SLC26A7: variants seen among roughly 807,000 people sequenced by gnomAD.
SLC26A7 encodes the protein solute carrier family 26 member 7.
SLC26A7 carries 59 observed loss-of-function variants against 82.5 expected under a neutral mutation model. The ratio of observed to expected loss-of-function variants is 0.72; its 90% CI spans 0.58 to 0.89. The LOEUF is 0.89. Among genes scored for constraint, SLC26A7 ranks in the 40% least tolerant of loss-of-function variants. The pLI is 0.00. For missense variants in SLC26A7, 820 were observed against 793.0 expected, an observed-to-expected ratio of 1.03 and a Z score of -0.41; for synonymous variants, 271 against 274.3, an observed-to-expected ratio of 0.99 and a Z score of 0.12.
At chr8:91,217,629 G>A (rs111492780) in intron 1 of SLC26A7, among the ~76,000 whole-genome samples, 2,014 of 152,204 alleles carry the variant, frequency 0.013, 32 homozygotes, top group African/African-American at 0.046. Flanking sequence ...GCCAGGGAGT[G>A]AGAAAAGTTG....
chr8:91,355,342 T>C (rs1384030946), intron 11 of SLC26A7, among the ~76,000 whole-genome samples: 1 of 152,110 alleles, frequency 6.6e-6, no homozygotes, highest in Non-Finnish European at 1.5e-5. Context: ...AATTTTTTCT[T>C]CTAATATATC....
chr8:91,302,948 G>C (rs1812209143), intron 4 of SLC26A7, among the ~76,000 whole-genome samples: 1 of 151,670 alleles, frequency 6.6e-6, no homozygotes, highest in Non-Finnish European at 1.5e-5. Context: ...ATTTCTGACA[G>C]TTGATAATGC....
chr8:91,252,761 C>A (rs889765891), intron 2 of SLC26A7, among the ~76,000 whole-genome samples: 1 of 152,096 alleles, frequency 6.6e-6, no homozygotes, highest in African/African-American at 2.4e-5. Context: ...TTCCAGCTTT[C>A]TTTGAGGTTA....
At chr8:91,300,021 G>A (rs1039447089) in intron 4 of SLC26A7, among the ~76,000 whole-genome samples, 1 of 152,156 alleles carries the variant, frequency 6.6e-6, no homozygotes, top group Non-Finnish European at 1.5e-5. Context: ...ACTTCAGGGG[G>A]AGAAACTTCC....
rs1277585897 is a variant in SLC26A7, at chr8:91,352,820, AAAAT to A, written c.1219-77_1219-74del. On this transcript the variant is annotated intron_variant, in intron 10 of 18. Transcript: ENST00000276609. ...CTCTATTAAGTACTTTAAAAACAAA[AAAAT>A]AAAAATACCTTAGCCCTTTTAAATT... 4.3e-6 allele frequency: 5 copies of A among 1,153,462 alleles called. No homozygotes were observed. The African/African-American group carries it at 7.9e-5, about 18-fold the overall frequency. 71.5% of individuals were successfully genotyped at this position (1,153,462 alleles called of 1,614,324 possible). A position where few individuals can be genotyped will look rare whatever the true frequency, so the allele number is the denominator to read the frequency against.
chr8:91,249,706 C>T lies in SLC26A7; in HGVS notation c.55C>T (p.Pro19Ser). ...CATGCTTTGGAGCAAGATGCATACC[C>T]CCCAGTGTGAAGACATTATACAGTG... ...KSMLWSKMHT[P>S]QCEDIIQWCR... The change falls in exon 2 of 19, where the codon CCC becomes TCC. Residue 19 changes from proline to serine, a missense_variant. By Grantham distance (74) the Pro-to-Ser change is moderately conservative (BLOSUM62 -1). Transcript: ENST00000276609. 1 of 1,595,866 alleles carries T rather than the reference C, an allele frequency of 6.3e-7. No homozygotes were observed. Among genetic ancestry groups the T allele is most frequent in the African/African-American group, 1.4e-5 (1 of 73,846 alleles).
At chr8:91,284,287 C>G (rs1811652925) in intron 2 of SLC26A7, among the ~76,000 whole-genome samples, 1 of 152,142 alleles carries the variant, frequency 6.6e-6, no homozygotes, top group Non-Finnish European at 1.5e-5. Flanking sequence ...AATACCCTAA[C>G]AGCAACTCTG....
At chr8:91,358,162 G>C in intron 11 of SLC26A7, among the ~76,000 whole-genome samples, 1 of 152,028 alleles carries the variant, frequency 6.6e-6, no homozygotes, top group Non-Finnish European at 1.5e-5. Flanking sequence ...ACTGTTGGTG[G>C]GACTGTAAAC....
intron 5 of SLC26A7, among the ~76,000 whole-genome samples, chr8:91,326,099 A>G (rs1812924490): frequency 6.6e-6 from 1 of 152,108 alleles, no homozygotes; most frequent in Non-Finnish European, 1.5e-5. Flanking sequence ...TCTTAATGGT[A>G]CTGATCACTT....
Position 91,395,301 on chromosome 8 carries a change from G to T in SLC26A7, c.*204G>T. The stretch of plus-strand genomic sequence containing the variant: ...TTTTGTTAGTAAGAAGATTCGCTTA[G>T]TTATTTTATGTAAAAATCAGTATGT... On this transcript the variant is annotated 3_prime_UTR_variant, in exon 19 of 19. Coordinates refer to ENST00000276609, the MANE Select transcript of SLC26A7 (RefSeq NM_052832.4). 1 of 1,289,344 alleles carries T rather than the reference G, an allele frequency of 7.8e-7. No individual in the cohort carries two copies. Among genetic ancestry groups the T allele is most frequent in the Non-Finnish European group, 1.0e-6 (1 of 999,370 alleles). The allele number at this position is 1,289,344 out of a possible 1,614,324, so 79.9% of individuals were successfully genotyped here.
chr8:91,237,983 A>T (rs1041026867), intron 2 of SLC26A7, among the ~76,000 whole-genome samples: 1 of 152,064 alleles, frequency 6.6e-6, no homozygotes, highest in Non-Finnish European at 1.5e-5. Context: ...TCCCATTCTC[A>T]TCTCTCCTGT....
chr8:91,343,500 C>T, intron 9 of SLC26A7, 34 bp downstream of exon 9: 1 of 1,487,766 alleles, frequency 6.7e-7, no homozygotes, highest in Non-Finnish European at 9.3e-7. Context: ...CAAAGCACTG[C>T]TGGGCCTTCA....
At chr8:91,218,796 A>G (rs1478438558) in intron 1 of SLC26A7, 8 of 740,622 alleles carry the variant, frequency 1.1e-5, no homozygotes, top group Middle Eastern at 3.9e-4. Flanking sequence ...TTAGAAGTCA[A>G]TGTTCTGAAA....
At chr8:91,380,075 A>G (rs1195786393) in intron 15 of SLC26A7, among the ~76,000 whole-genome samples, 10 of 152,112 alleles carry the variant, frequency 6.6e-5, no homozygotes, top group Non-Finnish European at 1.5e-5. Flanking sequence ...CACAGCTATT[A>G]TTGGGGAAAT....
chr8:91,368,033 C>T lies in SLC26A7; in HGVS notation c.1626+1316C>T, dbSNP rs113169866. ...AGTGCAAAATGAAAATGTGAGGTCT[C>T]CTGTTCAACAATTATTAAGGATTTC... On this transcript the variant is annotated intron_variant, in intron 14 of 18. Transcript: ENST00000276609. Among the ~76,000 whole-genome samples, 400 of 152,220 alleles carry T rather than the reference C, an allele frequency of 2.6e-3. 6 individuals are homozygous for T. The highest frequency in any genetic ancestry group is 9.1e-3 in the African/African-American group (377 of 41,548).
chr8:91,230,628 C>T (rs1462634318), intron 2 of SLC26A7, among the ~76,000 whole-genome samples: 1 of 152,180 alleles, frequency 6.6e-6, no homozygotes, highest in Non-Finnish European at 1.5e-5. Flanking sequence ...AAAAAATAGT[C>T]CCTTTTCAGG....
intron 4 of SLC26A7, among the ~76,000 whole-genome samples, chr8:91,317,645 T>G (rs1269297117): frequency 6.6e-6 from 1 of 152,170 alleles, no homozygotes; most frequent in Non-Finnish European, 1.5e-5. Context: ...GGGAGAATCT[T>G]GAGGAATGGC....
chr8:91,332,446 A>G (rs1389299793), intron 5 of SLC26A7, among the ~76,000 whole-genome samples: 1 of 143,260 alleles, frequency 7.0e-6, no homozygotes, highest in Non-Finnish European at 1.5e-5. Flanking sequence ...TAATTAATAT[A>G]TATTGAATAT....
chr8:91,255,261 C>T (rs889597834), intron 2 of SLC26A7, among the ~76,000 whole-genome samples: 2 of 151,956 alleles, frequency 1.3e-5, no homozygotes, highest in African/African-American at 4.8e-5. Flanking sequence ...GGGCTGCAAA[C>T]AAAAGATGGA....
Sources: allele counts gnomAD v4.1 joint callset (sites outside exome capture counted in the v4.1 genomes callset), GRCh38; gene constraint gnomAD v4.1.1; transcripts MANE v1.5; gene names NCBI Gene and HGNC (gene_info 2026-07-23, HGNC 2026-07-21).